Variants in PLD5 observed in about 807,000 individuals in gnomAD.
PLD5 encodes the protein inactive phospholipase D5.
A neutral mutation model predicts 61.1 loss-of-function variants in PLD5; 36 were observed. That is an observed-to-expected ratio of 0.59 (90% CI 0.45 to 0.78). The LOEUF (loss-of-function observed/expected upper bound fraction) is 0.78. Ranked by LOEUF, PLD5 falls within the 30% of genes least tolerant of loss-of-function variation. The probability of loss-of-function intolerance (pLI) is 0.00; values close to 1 mark genes in which losing one functional copy is unlikely to be tolerated. For missense variants in PLD5, 515 were observed against 644.4 expected, an observed-to-expected ratio of 0.80 and a Z score of 2.17; for synonymous variants, 243 against 242.8, an observed-to-expected ratio of 1.00 and a Z score of -0.01.
rs1413501618 is a variant in PLD5 at position 242,524,232 on chromosome 1, C to T, written c.45G>A (p.Glu15=). 1 of 1,519,116 alleles carries T rather than the reference C, an allele frequency of 6.6e-7. No individual in the cohort carries two copies. Among genetic ancestry groups the T allele is most frequent in the Non-Finnish European group, 8.8e-7 (1 of 1,138,848 alleles). 94.1% of individuals were successfully genotyped at this position (1,519,116 alleles called of 1,614,324 possible). ...TTTTGAGCCTCATCTGCTCGAAGCC[C>T]TCATGGGGGGAGGCCGAGAGCCACT... ...QHEWLSASPH[E]GFEQMRLKSR... The change falls in exon 1 of 10, where the codon GAG becomes GAA. Residue 15 remains glutamate, a synonymous_variant. Transcript: ENST00000536534.
intron 2 of PLD5, among the ~76,000 whole-genome samples, chr1:242,303,695 A>G (rs1676188288): frequency 6.6e-6 from 1 of 152,204 alleles, no homozygotes; most frequent in Admixed American, 6.5e-5. Context: ...AGGACTTATC[A>G]TCAATTATTG....
intron 1 of PLD5, among the ~76,000 whole-genome samples, chr1:242,383,788 C>T (rs1243360206): frequency 2.6e-5 from 4 of 152,108 alleles, no homozygotes; most frequent in Non-Finnish European, 5.9e-5. Context: ...AAAAATCTTT[C>T]GCCTTTCAAA....
At chr1:242,098,855 T>A (rs908953293) in intron 9 of PLD5, among the ~76,000 whole-genome samples, 7 of 152,120 alleles carry the variant, frequency 4.6e-5, no homozygotes, top group African/African-American at 1.7e-4. Context: ...GTATCAGCAG[T>A]GGAGGCTGCA....
chr1:242,325,732 T>C (rs963560506), intron 2 of PLD5, among the ~76,000 whole-genome samples: 1 of 152,098 alleles, frequency 6.6e-6, no homozygotes, highest in Non-Finnish European at 1.5e-5. Flanking sequence ...TTTTTTTACC[T>C]GGAGTAATGA....
At chr1:242,144,018 C>T (rs1045602054) in intron 5 of PLD5, among the ~76,000 whole-genome samples, 12 of 151,668 alleles carry the variant, frequency 7.9e-5, no homozygotes, top group East Asian at 1.9e-4. Flanking sequence ...TACAGGCTCC[C>T]GCCACCACGC....
chr1:242,144,505 GGTGC>G (rs1664410580), intron 5 of PLD5, among the ~76,000 whole-genome samples: 2 of 152,220 alleles, frequency 1.3e-5, no homozygotes, highest in African/African-American at 4.8e-5. Flanking sequence ...AAACAGGTTA[GGTGC>G]GTGGCTCATG....
chr1:242,087,122 A>C lies in PLD5; in HGVS notation c.*2732T>G, dbSNP rs938418253. 1.3e-5 allele frequency: 2 copies of C among 152,218 alleles called. No homozygotes were observed. The highest frequency in any genetic ancestry group is 4.8e-5 in the African/African-American group (2 of 41,454). 9.4% of individuals were successfully genotyped at this position (152,218 alleles called of 1,614,324 possible). A position where few individuals can be genotyped will look rare whatever the true frequency, so the allele number is the denominator to read the frequency against. Reference sequence around the variant, plus strand: ...AGAATGAAATGTTCTCTTGGGAGACATGAACCCATTTCTGACACTCTTGGT... The same window carrying C: ...AGAATGAAATGTTCTCTTGGGAGACCTGAACCCATTTCTGACACTCTTGGT... On this transcript the variant is annotated 3_prime_UTR_variant, in exon 10 of 10. Coordinates refer to ENST00000536534, the MANE Select transcript of PLD5 (RefSeq NM_001372062.1).
At chr1:242,463,501 C>G (rs1156338425) in intron 1 of PLD5, among the ~76,000 whole-genome samples, 1 of 152,178 alleles carries the variant, frequency 6.6e-6, no homozygotes, top group African/African-American at 2.4e-5. Context: ...GGTTATTTCA[C>G]ACTCCTTGAC....
intron 5 of PLD5, among the ~76,000 whole-genome samples, chr1:242,132,192 C>CA (rs1171420249): frequency 4.8e-5 from 1 of 21,038 alleles, no homozygotes; most frequent in Non-Finnish European, 1.3e-4. Context: ...GCAGTGATTG[C>CA]GGGGGGGGGG....
At chr1:242,369,127 T>C (rs1011184932) in intron 1 of PLD5, among the ~76,000 whole-genome samples, 4 of 152,182 alleles carry the variant, frequency 2.6e-5, no homozygotes, top group African/African-American at 4.8e-5. Flanking sequence ...ATTGAGAATG[T>C]AGGACTGTCA....
intron 1 of PLD5, among the ~76,000 whole-genome samples, chr1:242,494,071 C>G (rs1433821286): frequency 1.5e-4 from 5 of 33,386 alleles, no homozygotes; most frequent in African/African-American, 4.7e-4. Flanking sequence ...CTTCCCTCCA[C>G]TCCCCTCCCC....
chr1:242,525,943 T>G (rs2103017169), upstream of PLD5, among the ~76,000 whole-genome samples: 1 of 152,284 alleles, frequency 6.6e-6, no homozygotes, highest in South Asian at 2.1e-4. Context: ...GCTAGGTTGG[T>G]TTTCTTAGGA....
At chr1:242,446,592 A>C (rs148620012) in intron 1 of PLD5, among the ~76,000 whole-genome samples, 36 of 152,316 alleles carry the variant, frequency 2.4e-4, no homozygotes, top group Middle Eastern at 6.8e-3. Flanking sequence ...AAGAAAAAAG[A>C]AATTTAACTC....
At chr1:242,180,481 T>C (rs1049655591) in intron 5 of PLD5, among the ~76,000 whole-genome samples, 4 of 152,160 alleles carry the variant, frequency 2.6e-5, no homozygotes, top group African/African-American at 9.6e-5. Flanking sequence ...TGCCAAGCTA[T>C]ATTAGTTCCT....
chr1:242,296,463 A>G (rs978040869), intron 2 of PLD5, among the ~76,000 whole-genome samples: 2 of 152,234 alleles, frequency 1.3e-5, no homozygotes, highest in Non-Finnish European at 2.9e-5. Flanking sequence ...AGGATCAACA[A>G]GACAAAGGCT....
chr1:242,317,004 TCTA>T (rs1359269156), intron 2 of PLD5, among the ~76,000 whole-genome samples: 2 of 151,972 alleles, frequency 1.3e-5, no homozygotes, highest in Admixed American at 6.6e-5. Flanking sequence ...CTTTATCCAG[TCTA>T]CTTTTTTTTT....
intron 1 of PLD5, among the ~76,000 whole-genome samples, chr1:242,482,106 G>A (rs1274621508): frequency 6.6e-6 from 1 of 152,126 alleles, no homozygotes; most frequent in Admixed American, 6.5e-5. Context: ...ACAAAGATGG[G>A]GAAAAACAGA....
At chr1:242,350,912 T>TC (rs1292795100) in intron 1 of PLD5, among the ~76,000 whole-genome samples, 3 of 149,854 alleles carry the variant, frequency 2.0e-5, no homozygotes, top group Non-Finnish European at 3.0e-5. Flanking sequence ...TTTTTTTTTT[T>TC]CCTTTTGAGA....
At chr1:242,110,111 G>A (rs899973418) in intron 7 of PLD5, among the ~76,000 whole-genome samples, 26 of 147,964 alleles carry the variant, frequency 1.8e-4, no homozygotes, top group Non-Finnish European at 3.3e-4. Flanking sequence ...TTATCATAAA[G>A]GCCATTAGAG....
Sources: allele counts gnomAD v4.1 joint callset (sites outside exome capture counted in the v4.1 genomes callset), GRCh38; gene constraint gnomAD v4.1.1; transcripts MANE v1.5; gene names NCBI Gene and HGNC (gene_info 2026-07-23, HGNC 2026-07-21).